The following KAT5 variants were observed in gnomAD, a reference collection of about 807,000 sequenced individuals.
KAT5 encodes the protein lysine acetyltransferase 5.
In KAT5, 31 loss-of-function variants were observed where a neutral mutation model predicts 68.1. The ratio of observed to expected loss-of-function variants is 0.46; its 90% CI spans 0.34 to 0.61. KAT5 has a LOEUF of 0.61. KAT5 is among the 20% of genes least tolerant of loss of function. KAT5 has a pLI of 0.01. For synonymous variants in KAT5, 365 were observed against 292.6 expected (o/e 1.25, Z -2.52); for missense variants, 451 against 725.5 (o/e 0.62, Z 4.35).
intron 10 of KAT5, 157 bp from the exon 11 acceptor site, chr11:65,718,433 G>A (rs1565211285): frequency 1.4e-6 from 1 of 727,046 alleles, no homozygotes; most frequent in East Asian, 2.5e-5. Flanking sequence ...AGTTCTTCCT[G>A]AGGGAACTGA....
Position 65,713,852 on chromosome 11 carries a change from G to T in KAT5, c.690+4G>T, listed in dbSNP as rs757179191. The T allele has an allele frequency of 1.3e-6, 2 of 1,571,544 alleles. No individual in the cohort carries two copies. Among genetic ancestry groups the T allele is most frequent in the Middle Eastern group, 1.7e-4 (1 of 6,008 alleles). ...GAATTGTTTGGGCACTGATGAGGTG[G>T]GTCTGGGGAGCAGCAGAAGGGAACT... On this transcript the variant is annotated splice_donor_region_variant and intron_variant, in intron 6 of 12. Coordinates refer to ENST00000341318, the MANE Select transcript of KAT5 (RefSeq NM_182710.3).
Position 65,712,810 on chromosome 11 carries a change from C to G in KAT5, c.223C>G (p.Leu75Val). 2 of 1,614,068 alleles carry G rather than the reference C, an allele frequency of 1.2e-6. No individual in the cohort carries two copies. The highest frequency in any genetic ancestry group is 1.7e-6 in the Non-Finnish European group (2 of 1,180,006). Residue 75 changes from leucine to valine, a missense_variant, in exon 2 of 13, where the codon CTT (leucine) becomes GTT (valine). Leu to Val is a conservative substitution (Grantham distance 32). This residue lies in a region of KAT5 where 104 missense variants were observed against 107.3 expected (regional missense o/e 0.97). Transcript: ENST00000341318. ...LSVKDISGRK[L>V]FYVHYIDFNK... ...CGTGAAGGACATCAGTGGCCGGAAG[C>G]TTTTCTACGTCCATTACATTGACTG...
In KAT5 at chr11:65,719,208, G is replaced by A; in HGVS notation, c.*27G>A. 1 of 1,610,364 alleles carries A rather than the reference G, an allele frequency of 6.2e-7. No individual in the cohort carries two copies. Among genetic ancestry groups the A allele is most frequent in the South Asian group, 1.1e-5 (1 of 90,728 alleles). ...CAGACACTGCCCACTGCAGTGCCAAGACGGCAGCAGGACTGGGGCTGATAG... is the reference window on the plus strand; with the variant it reads ...CAGACACTGCCCACTGCAGTGCCAAAACGGCAGCAGGACTGGGGCTGATAG... On this transcript the variant is annotated 3_prime_UTR_variant, in exon 13 of 13. Transcript: ENST00000341318.
Position 65,713,405 on chromosome 11 carries a change from C to T in KAT5, c.442C>T (p.Arg148Cys), listed in dbSNP as rs148238235. 16 of 1,614,022 alleles carry T rather than the reference C, an allele frequency of 9.9e-6. No homozygotes were observed. The highest frequency in any genetic ancestry group is 1.6e-4 in the Middle Eastern group (1 of 6,084). ...TLPIPVQITL[R>C]FNLPKEREAI... Reference sequence around the variant, plus strand: ...GCCAATCCCGGTCCAGATCACACTCCGCTTCAACCTGCCCAAGGAGCGGGA... The same window carrying T: ...GCCAATCCCGGTCCAGATCACACTCTGCTTCAACCTGCCCAAGGAGCGGGA... Residue 148 changes from arginine (R) to cysteine (C), a missense_variant, in exon 4 of 13, where the codon CGC becomes TGC. By Grantham distance (180) the Arg-to-Cys change is radical (BLOSUM62 -3). Around this residue, in one of 4 missense-constraint regions of KAT5, gnomAD observed 135 missense variants for 173.4 expected, o/e 0.78. Transcript: ENST00000341318.
At position 65,716,881 on chromosome 11, in the gene KAT5, T is replaced by C; in HGVS notation, c.1171-8T>C. On this transcript the variant is annotated splice_polypyrimidine_tract_variant and splice_region_variant and intron_variant, in intron 9 of 12. Transcript: ENST00000341318. ...CTTCCCTGACACTCACCTGTCCCCCTTCTCCAGGAGAAAGAATCAACGGAA... is the reference window on the plus strand; with the variant it reads ...CTTCCCTGACACTCACCTGTCCCCCCTCTCCAGGAGAAAGAATCAACGGAA... 1.9e-6 allele frequency: 3 copies of C among 1,613,900 alleles called. No individual in the cohort carries two copies. The highest frequency in any genetic ancestry group is 2.5e-6 in the Non-Finnish European group (3 of 1,179,744).
chr11:65,712,499 C>G, intron 1 of KAT5, 54 bp downstream of exon 1: 1 of 1,541,404 alleles, frequency 6.5e-7, no homozygotes, highest in Non-Finnish European at 8.7e-7. Flanking sequence ...GGGCGGGAGT[C>G]AACTGAAATC....
rs763859516 is a variant in KAT5, at chr11:65,714,843, C to T, written c.962C>T (p.Pro321Leu). The T allele has an allele frequency of 6.2e-7, 1 of 1,614,218 alleles. No homozygotes were observed. The highest frequency in any genetic ancestry group is 8.5e-7 in the Non-Finnish European group (1 of 1,180,034). Reference protein sequence around the residue: ...RHLTKCDLRHPPGNEIYRKGT... With the variant: ...RHLTKCDLRHLPGNEIYRKGT... ...CAGACCAAGTGTGACCTACGACATC[C>T]TCCAGGCAATGAGATTTACCGCAAG... Residue 321 changes from proline (P) to leucine (L), a missense_variant, in exon 8 of 13, where the codon CCT becomes CTT. By Grantham distance (98) the Pro-to-Leu change is moderately conservative. Coordinates refer to ENST00000341318, the MANE Select transcript of KAT5 (RefSeq NM_182710.3).
intron 10 of KAT5, 198 bp downstream of exon 10, chr11:65,717,180 G>A (rs992269706): frequency 1.7e-6 from 1 of 602,038 alleles, no homozygotes; most frequent in Non-Finnish European, 3.0e-6. Context: ...TAGGTTCTCA[G>A]CCCCCCAGTT....
intron 8 of KAT5, 64 bp from the exon 9 acceptor site, chr11:65,716,603 C>A (rs1857204009): frequency 6.5e-7 from 1 of 1,537,088 alleles, no homozygotes. Flanking sequence ...CCTGGTTGAC[C>A]CTGAACCACT....
At chr11:65,717,030 C>T in intron 10 of KAT5, 48 bp downstream of exon 10, 1 of 1,405,884 alleles carries the variant, frequency 7.1e-7, no homozygotes, top group Non-Finnish European at 1.0e-6. Context: ...ACTATCGGTG[C>T]CTCACAGGCA....
At chr11:65,712,181 G>T (rs940578503), upstream of KAT5, 111 of 1,316,506 alleles carry the variant, frequency 8.4e-5, no homozygotes, top group Non-Finnish European at 3.6e-5. Context: ...CTCTACAGGG[G>T]CTTCGTGAGG....
intron 8 of KAT5, 158 bp downstream of exon 8, chr11:65,715,068 C>A: frequency 1.5e-6 from 1 of 662,844 alleles, no homozygotes; most frequent in Non-Finnish European, 2.7e-6. Context: ...ATGAGACAGT[C>A]TCTGTTCTCT....
At chr11:65,714,097 G>C (rs928749193) in intron 6 of KAT5, 4 of 549,246 alleles carry the variant, frequency 7.3e-6, no homozygotes, top group Non-Finnish European at 1.3e-5. Context: ...TCAGGAGTTT[G>C]AGACCAGCCT....
rs778649630 is a variant in KAT5, at chr11:65,712,824, T to C, written c.237T>C (p.His79=). 1.2e-6 allele frequency: 2 copies of C among 1,614,072 alleles called. No homozygotes were observed. The highest frequency in any genetic ancestry group is 4.5e-5 in the East Asian group (2 of 44,882). Residue 79 remains histidine, a synonymous_variant, in exon 2 of 13, where the codon CAT becomes CAC. Transcript: ENST00000341318. ...DISGRKLFYV[H]YIDFNKRLDE... Reference sequence around the variant, plus strand: ...GTGGCCGGAAGCTTTTCTACGTCCATTACATTGACTGTGAGTTCTGGGCCT... The same window carrying C: ...GTGGCCGGAAGCTTTTCTACGTCCACTACATTGACTGTGAGTTCTGGGCCT...
At chr11:65,716,613 T>G in intron 8 of KAT5, 54 bp from the exon 9 acceptor site, 1 of 1,570,906 alleles carries the variant, frequency 6.4e-7, no homozygotes, top group Non-Finnish European at 8.7e-7. Context: ...CCTGAACCAC[T>G]GGCCAGGCTC....
intron 8 of KAT5, chr11:65,715,142 T>G (rs780387509): frequency 9.2e-6 from 5 of 545,728 alleles, no homozygotes; most frequent in Non-Finnish European, 1.7e-5. Context: ...GTCCTAAGTG[T>G]CATGAAACAG....
In KAT5 at chr11:65,719,439, G is replaced by A; in HGVS notation, c.*258G>A. On this transcript the variant is annotated 3_prime_UTR_variant, in exon 13 of 13. Coordinates refer to ENST00000341318, the MANE Select transcript of KAT5 (RefSeq NM_182710.3). ...GGACCAGAGGGAGCCAGGCAGCTGTGTACAGTGAGAAGGGATCCGGATGGG... is the reference window on the plus strand; with the variant it reads ...GGACCAGAGGGAGCCAGGCAGCTGTATACAGTGAGAAGGGATCCGGATGGG... 1 of 606,352 alleles carries A rather than the reference G, an allele frequency of 1.6e-6. No individual in the cohort carries two copies. Among genetic ancestry groups the A allele is most frequent in the Non-Finnish European group, 2.9e-6 (1 of 343,470 alleles). 37.6% of individuals were successfully genotyped at this position (606,352 alleles called of 1,614,324 possible). A position where few individuals can be genotyped will look rare whatever the true frequency, so the allele number is the denominator to read the frequency against.
chr11:65,713,296 CAT>C, intron 3 of KAT5, 50 bp from the exon 4 acceptor site: 1 of 1,580,518 alleles, frequency 6.3e-7, no homozygotes, highest in Non-Finnish European at 8.7e-7. Context: ...TCCCCTTCCC[CAT>C]CCCACTGCCA....
Position 65,719,514 on chromosome 11 carries a change from A to G in KAT5, c.*333A>G. On this transcript the variant is annotated 3_prime_UTR_variant, in exon 13 of 13. Transcript: ENST00000341318. ...ATTGTAAAAATTTCTTTTGTAAAGT[A>G]GAAGTTGGGGGTGGGGTGGGTGCTG... 1.6e-6 allele frequency: 1 copy of G among 611,494 alleles called. No individual in the cohort carries two copies. Among genetic ancestry groups the G allele is most frequent in the African/African-American group, 1.8e-5 (1 of 54,146 alleles). The allele number at this position is 611,494 out of a possible 1,614,324, so 37.9% of individuals were successfully genotyped here.
Sources: allele counts gnomAD v4.1 joint callset, GRCh38; gene constraint gnomAD v4.1.1; regional missense constraint gnomAD v4.1.1; transcripts MANE v1.5; gene names NCBI Gene and HGNC (gene_info 2026-07-23, HGNC 2026-07-21).